The following DGKB variants were observed in gnomAD, a reference collection of about 807,000 sequenced individuals.
DGKB encodes the protein 90 kDa diacylglycerol kinase.
A neutral mutation model predicts 114.3 loss-of-function variants in DGKB; 67 were observed. The ratio of observed to expected loss-of-function variants is 0.59; its 90% CI spans 0.48 to 0.72. The LOEUF is 0.72. DGKB is among the 30% of genes least tolerant of loss of function. The pLI is 0.00. For synonymous variants in DGKB, 398 were observed against 323.1 expected (o/e 1.23, Z -2.49); for missense variants, 907 against 975.2 (o/e 0.93, Z 0.93).
intron 21 of DGKB, among the ~76,000 whole-genome samples, chr7:14,409,222 T>A (rs1824441433): frequency 6.6e-6 from 1 of 152,108 alleles, no homozygotes; most frequent in Admixed American, 6.6e-5. Context: ...ATGCTAATCA[T>A]CCCGAGGGAG....
At chr7:14,614,487 C>A (rs1472686675) in intron 15 of DGKB, among the ~76,000 whole-genome samples, 2 of 152,044 alleles carry the variant, frequency 1.3e-5, no homozygotes, top group African/African-American at 4.8e-5. Flanking sequence ...AAAGTACATT[C>A]AAATTATCTT....
At chr7:14,192,719 A>G (rs981366110) in intron 23 of DGKB, among the ~76,000 whole-genome samples, 2 of 152,082 alleles carry the variant, frequency 1.3e-5, no homozygotes, top group Admixed American at 6.6e-5. Context: ...TGCACTTTAT[A>G]TTATTAGCAC....
intron 2 of DGKB, among the ~76,000 whole-genome samples, chr7:14,838,279 G>C (rs1847430627): frequency 6.6e-6 from 1 of 151,962 alleles, no homozygotes; most frequent in Non-Finnish European, 1.5e-5. Flanking sequence ...AATTCAAATG[G>C]AATTTCTATA....
At chr7:14,572,784 C>G (rs1009361776) in intron 20 of DGKB, among the ~76,000 whole-genome samples, 1 of 152,094 alleles carries the variant, frequency 6.6e-6, no homozygotes, top group African/African-American at 2.4e-5. Context: ...AAACTTCATG[C>G]TAGGTGAAGG....
At chr7:14,548,254 T>A (rs934281673) in intron 20 of DGKB, among the ~76,000 whole-genome samples, 1 of 152,204 alleles carries the variant, frequency 6.6e-6, no homozygotes, top group Non-Finnish European at 1.5e-5. Flanking sequence ...TTGAATAACT[T>A]ACATTCCTTC....
intron 21 of DGKB, among the ~76,000 whole-genome samples, chr7:14,396,130 A>G (rs1822178698): frequency 6.6e-6 from 1 of 152,008 alleles, no homozygotes; most frequent in Admixed American, 6.6e-5. Flanking sequence ...ATGAAAGGGT[A>G]TATTTATAGG....
chr7:14,507,955 C>T (rs1210977040), intron 20 of DGKB, among the ~76,000 whole-genome samples: 3 of 152,110 alleles, frequency 2.0e-5, no homozygotes, highest in Non-Finnish European at 2.9e-5. Context: ...TGAGTTAGAT[C>T]AATTATTTAA....
intron 4 of DGKB, among the ~76,000 whole-genome samples, chr7:14,747,775 G>GTGCGCGCGCGCACA (rs1554636407): frequency 1.3e-5 from 2 of 149,178 alleles, no homozygotes; most frequent in African/African-American, 5.1e-5. Context: ...ACATCCACGC[G>GTGCGCGCGCGCACA]CACGCACACA....
In DGKB at chr7:14,307,971, T is replaced by C. The variant is rs538306182; in HGVS notation, c.2122+30544A>G. On this transcript the variant is annotated intron_variant, in intron 23 of 25. Coordinates refer to ENST00000402815, the MANE Select transcript of DGKB (RefSeq NM_001350709.2). ...CAAGAACAAATATCAGTAAGAACCT[T>C]TTTAAATAAAAAGTTTTGAAATAAC... is the stretch of plus-strand genomic sequence containing the variant. Among the ~76,000 whole-genome samples, 829 of 152,192 alleles carry C rather than the reference T, an allele frequency of 5.4e-3. 11 individuals carry two copies. The highest frequency in any genetic ancestry group is 0.019 in the African/African-American group (795 of 41,546).
chr7:14,169,348 GA>G (rs1367315488), intron 25 of DGKB, among the ~76,000 whole-genome samples: 4 of 134,130 alleles, frequency 3.0e-5, no homozygotes, highest in Non-Finnish European at 4.7e-5. Flanking sequence ...CTGGGCAACA[GA>G]GCGAGACTCC....
chr7:14,607,731 T>C (rs1804780443), intron 16 of DGKB, among the ~76,000 whole-genome samples: 1 of 152,002 alleles, frequency 6.6e-6, no homozygotes, highest in Non-Finnish European at 1.5e-5. Context: ...TAAGGCAATA[T>C]AGTTCATAAG....
chr7:14,257,483 C>T (rs1441032518), intron 23 of DGKB, among the ~76,000 whole-genome samples: 4 of 151,986 alleles, frequency 2.6e-5, no homozygotes, highest in Non-Finnish European at 4.4e-5. Flanking sequence ...AATTGTAGTT[C>T]CCATAATCCC....
intron 2 of DGKB, among the ~76,000 whole-genome samples, chr7:14,816,245 A>G (rs1424830495): frequency 6.6e-6 from 1 of 152,126 alleles, no homozygotes; most frequent in Non-Finnish European, 1.5e-5. Context: ...GAGACAGGAG[A>G]ATCGCTTGAA....
intron 5 of DGKB, among the ~76,000 whole-genome samples, chr7:14,722,623 C>A (rs1829364862): frequency 6.6e-6 from 1 of 152,014 alleles, no homozygotes; most frequent in Non-Finnish European, 1.5e-5. Flanking sequence ...AACATCCTGG[C>A]CAACATGGTG....
chr7:14,582,053 G>T (rs1563580390), intron 18 of DGKB, among the ~76,000 whole-genome samples: 2 of 152,098 alleles, frequency 1.3e-5, no homozygotes, highest in Non-Finnish European at 2.9e-5. Context: ...TATTTTTAGT[G>T]TATGCATAGA....
chr7:14,613,216 A>G, intron 16 of DGKB, 124 bp downstream of exon 16: 2 of 610,064 alleles, frequency 3.3e-6, no homozygotes, highest in Non-Finnish European at 5.9e-6. Context: ...AAATGCTAGC[A>G]TCATTTATTT....
chr7:14,973,077 T>C (rs1787568896), intron 1 of DGKB, among the ~76,000 whole-genome samples: 1 of 151,976 alleles, frequency 6.6e-6, no homozygotes, highest in South Asian at 2.1e-4. Flanking sequence ...AAACTATAAT[T>C]TGTAGGGGAA....
intron 4 of DGKB, among the ~76,000 whole-genome samples, chr7:14,749,918 C>A (rs1450501992): frequency 6.6e-6 from 1 of 152,152 alleles, no homozygotes; most frequent in Non-Finnish European, 1.5e-5. Context: ...AGATTCCATG[C>A]AAAACTTCTC....
At chr7:14,879,508 A>G (rs937330181) in intron 1 of DGKB, among the ~76,000 whole-genome samples, 1 of 152,166 alleles carries the variant, frequency 6.6e-6, no homozygotes, top group Admixed American at 6.5e-5. Context: ...TTCTATGTAA[A>G]TATTTATGTC....
Sources: gnomAD v4.1 joint callset for allele counts (sites outside exome capture counted in the v4.1 genomes callset) on GRCh38, gnomAD v4.1.1 for gene constraint, MANE v1.5 for transcripts, NCBI Gene and HGNC (gene_info 2026-07-23, HGNC 2026-07-21) for gene names.